The following EYS variants were observed in gnomAD, a reference collection of about 807,000 sequenced individuals.
EYS encodes protein eyes shut homolog.
In EYS, 250 loss-of-function variants were observed where a neutral mutation model predicts 282.1. The ratio of observed to expected loss-of-function variants is 0.89; its 90% confidence interval spans 0.80 to 0.98. The LOEUF is 0.98. Ranked by LOEUF, EYS falls within the 50% of genes least tolerant of loss-of-function variation. EYS has a pLI of 0.00. For synonymous variants in EYS, 1,355 were observed against 1,282.9 expected, an observed-to-expected ratio of 1.06 and a Z score of -1.20; for missense variants, 4,016 against 3,709.0, an observed-to-expected ratio of 1.08 and a Z score of -2.15.
chr6:65,500,868 C>G (rs923462648), intron 2 of EYS, among the ~76,000 whole-genome samples: 1 of 151,898 alleles, frequency 6.6e-6, no homozygotes, highest in Non-Finnish European at 1.5e-5. Context: ...AGCCACAAGA[C>G]TGTCACAGAT....
In EYS at chr6:64,879,997, A is replaced by T. The variant is rs970915348; in HGVS notation, c.2992+6700T>A. Among the ~76,000 whole-genome samples the T allele has an allele frequency of 2.0e-5, 3 of 151,728 alleles. 1 individual carries two copies. ...TTTTATATTATTCTCCCACCTCCTC[A>T]CTCCTGCTTTATACAGGCAAATCAT... On this transcript the variant is annotated intron_variant, in intron 19 of 42. Transcript: ENST00000503581.
intron 12 of EYS, among the ~76,000 whole-genome samples, chr6:65,180,962 T>C (rs1378386714): frequency 1.3e-5 from 2 of 152,134 alleles, no homozygotes; most frequent in Non-Finnish European, 2.9e-5. Flanking sequence ...GGGGAAAGGA[T>C]TCCCTATTTA....
chr6:64,947,779 G>A (rs1284742491), intron 14 of EYS, among the ~76,000 whole-genome samples: 1 of 151,072 alleles, frequency 6.6e-6, no homozygotes, highest in Non-Finnish European at 1.5e-5. Flanking sequence ...GACAACATCA[G>A]CTGTGGTGAA....
chr6:64,819,466 A>T (rs984221154), intron 21 of EYS, among the ~76,000 whole-genome samples: 3 of 152,122 alleles, frequency 2.0e-5, no homozygotes, highest in African/African-American at 7.2e-5. Context: ...GAAATCTATT[A>T]TATGAAAAGT....
intron 5 of EYS, among the ~76,000 whole-genome samples, chr6:65,460,076 C>T (rs1278375217): frequency 2.0e-5 from 2 of 100,466 alleles, no homozygotes; most frequent in Admixed American, 1.1e-4. Flanking sequence ...TATATGTATA[C>T]ACACACACAC....
chr6:64,348,048 T>A (rs1432681848), intron 29 of EYS, among the ~76,000 whole-genome samples: 1 of 151,388 alleles, frequency 6.6e-6, no homozygotes, highest in Non-Finnish European at 1.5e-5. Context: ...ATATTTAAAA[T>A]TTTTTCTTCC....
At chr6:65,195,921 T>C (rs1261261274) in intron 12 of EYS, among the ~76,000 whole-genome samples, 3 of 151,974 alleles carry the variant, frequency 2.0e-5, no homozygotes, top group African/African-American at 7.2e-5. Context: ...AAATTGCCAA[T>C]CTCAGAGACC....
chr6:63,733,332 T>C (rs1235468256), intron 41 of EYS, among the ~76,000 whole-genome samples: 3 of 152,170 alleles, frequency 2.0e-5, no homozygotes, highest in Non-Finnish European at 2.9e-5. Context: ...GCAAGTTTGT[T>C]ATATGGGTAA....
chr6:64,740,745 G>C (rs543370859), intron 22 of EYS, among the ~76,000 whole-genome samples: 1 of 139,576 alleles, frequency 7.2e-6, no homozygotes, highest in Non-Finnish European at 1.5e-5. Flanking sequence ...ACTGAGTCTC[G>C]CTCTGTCACC....
chr6:65,121,585 T>A (rs1775551371), intron 12 of EYS, among the ~76,000 whole-genome samples: 1 of 152,096 alleles, frequency 6.6e-6, no homozygotes, highest in African/African-American at 2.4e-5. Context: ...ATTCAGAATA[T>A]TTTGGGGGGA....
chr6:65,531,584 AGAGTTT>A (rs1767771120), intron 2 of EYS, among the ~76,000 whole-genome samples: 1 of 152,184 alleles, frequency 6.6e-6, no homozygotes, highest in African/African-American at 2.4e-5. Flanking sequence ...GCCTTTGTTC[AGAGTTT>A]TAAATGGATA....
rs1316896842 is a variant in EYS at position 63,825,637 on chromosome 6, G to A, written c.7229-19265C>T. Among the ~76,000 whole-genome samples the A allele has an allele frequency of 2.0e-5, 3 of 152,140 alleles. No homozygotes were observed. In the East Asian group the frequency reaches 5.8e-4, roughly 30 times the overall value. ...ACTCGCTGGATGGTTAGACCCAGAA[G>A]AGAGACAATAATCACCGCAGTTCAG... On this transcript the variant is annotated intron_variant, in intron 36 of 42. Transcript: ENST00000503581.
intron 15 of EYS, among the ~76,000 whole-genome samples, chr6:64,921,625 A>G (rs1554218468): frequency 6.6e-6 from 1 of 152,246 alleles, no homozygotes; most frequent in Non-Finnish European, 1.5e-5. Context: ...TCACTAAGCC[A>G]GAACTTCAAA....
At chr6:65,073,785 C>A (rs1773968543) in intron 12 of EYS, among the ~76,000 whole-genome samples, 1 of 151,726 alleles carries the variant, frequency 6.6e-6, no homozygotes, top group Admixed American at 6.6e-5. Flanking sequence ...TTATATAATG[C>A]TGAATTTGAA....
chr6:64,386,641 A>T (rs1013386234), intron 29 of EYS, among the ~76,000 whole-genome samples: 1 of 152,148 alleles, frequency 6.6e-6, no homozygotes, highest in Non-Finnish European at 1.5e-5. Context: ...TTTCCCTATA[A>T]ATAATCCTAG....
At chr6:65,007,960 A>G (rs904137609) in intron 13 of EYS, among the ~76,000 whole-genome samples, 4 of 152,204 alleles carry the variant, frequency 2.6e-5, no homozygotes, top group Non-Finnish European at 5.9e-5. Context: ...AAGTGCCACC[A>G]TAACTGCAGC....
chr6:65,472,003 G>A (rs759063123), intron 5 of EYS, among the ~76,000 whole-genome samples: 4 of 151,960 alleles, frequency 2.6e-5, no homozygotes, highest in Non-Finnish European at 5.9e-5. Context: ...GAAGATGATT[G>A]CATTTGTTCA....
At chr6:65,098,077 G>T (rs1774790802) in intron 12 of EYS, among the ~76,000 whole-genome samples, 1 of 150,056 alleles carries the variant, frequency 6.7e-6, no homozygotes, top group Non-Finnish European at 1.5e-5. Flanking sequence ...CAATATGTAG[G>T]GACAGTTATC....
In EYS at chr6:63,764,023, C is replaced by G. The variant is rs145529465; in HGVS notation, c.7899-1390G>C. ...CCTTTCTTCCTTCCCTTTCTCTCCCCACCATCCCCCTTTCTTTCTTCTGAA... is the reference window on the plus strand; with the variant it reads ...CCTTTCTTCCTTCCCTTTCTCTCCCGACCATCCCCCTTTCTTTCTTCTGAA... On this transcript the variant is annotated intron_variant, in intron 40 of 42. Coordinates refer to ENST00000503581, the MANE Select transcript of EYS (RefSeq NM_001142800.2). Among the ~76,000 whole-genome samples the G allele has an allele frequency of 1.0e-3, 151 of 151,304 alleles. 1 individual carries two copies. In the East Asian group the frequency reaches 0.02, roughly 20 times the overall value.
Sources: gnomAD v4.1 joint callset for allele counts (sites outside exome capture counted in the v4.1 genomes callset) on GRCh38, gnomAD v4.1.1 for gene constraint, MANE v1.5 for transcripts, NCBI Gene and HGNC (gene_info 2026-07-23, HGNC 2026-07-21) for gene names.